DDR2: variants seen among roughly 807,000 people sequenced by gnomAD.
The protein encoded by DDR2 is discoidin domain receptor tyrosine kinase 2, also known as discoidin domain-containing receptor 2.
In DDR2, 27 loss-of-function variants were observed where a neutral mutation model predicts 94.9. That is an observed-to-expected ratio of 0.28 (90% CI 0.21 to 0.39). The LOEUF (loss-of-function observed/expected upper bound fraction) is 0.39, where lower values mean the gene tolerates loss of function less well. Among genes scored for constraint, DDR2 ranks in the 10% least tolerant of loss-of-function variants. The pLI is 1.00. For missense variants in DDR2, 783 were observed against 1,076.0 expected (o/e 0.73, Z 3.81); for synonymous variants, 382 against 377.2 (o/e 1.01, Z -0.15).
intron 2 of DDR2, among the ~76,000 whole-genome samples, chr1:162,661,354 G>T (rs754738828): frequency 6.6e-6 from 1 of 152,196 alleles, no homozygotes; most frequent in Non-Finnish European, 1.5e-5. Context: ...AAAAAGACTT[G>T]TACAAGTTGG....
At position 162,754,800 on chromosome 1, in the gene DDR2, A is replaced by T; in HGVS notation, c.362A>T (p.Asn121Ile). 1 of 1,614,082 alleles carries T rather than the reference A, an allele frequency of 6.2e-7. No individual in the cohort carries two copies. ...GAGTTTGCCCCCATGTACAAGATCA[A>T]TTACAGTCGGGATGGCACTCGCTGG... ...GIEFAPMYKI[N>I]YSRDGTRWIS... The change falls in exon 5 of 18, where the codon AAT (asparagine) becomes ATT (isoleucine). Residue 121 changes from asparagine to isoleucine, a missense_variant. Physicochemically the swap from Asn to Ile is moderately radical, Grantham distance 149 (BLOSUM62 -3). Around this residue, in one of 2 missense-constraint regions of DDR2, gnomAD observed 519 missense variants for 647.9 expected, o/e 0.80. Coordinates refer to ENST00000367921, the MANE Select transcript of DDR2 (RefSeq NM_006182.4).
chr1:162,733,681 T>C (rs1258770624), intron 3 of DDR2, among the ~76,000 whole-genome samples: 1 of 152,226 alleles, frequency 6.6e-6, no homozygotes, highest in African/African-American at 2.4e-5. Context: ...CATCTACTTA[T>C]TTATTTGCCA....
chr1:162,683,253 T>C (rs1659500425), intron 2 of DDR2, among the ~76,000 whole-genome samples: 1 of 152,152 alleles, frequency 6.6e-6, no homozygotes, highest in Admixed American at 6.5e-5. Context: ...TAATGTTTTC[T>C]CCCTAAGACA....
intron 1 of DDR2, among the ~76,000 whole-genome samples, chr1:162,633,537 C>T (rs1310907705): frequency 6.6e-6 from 1 of 152,146 alleles, no homozygotes; most frequent in Non-Finnish European, 1.5e-5. Flanking sequence ...GGAAGGGGAC[C>T]GACCTGTTCA....
chr1:162,745,518 A>T (rs1225733064), intron 3 of DDR2, among the ~76,000 whole-genome samples: 1 of 152,166 alleles, frequency 6.6e-6, no homozygotes, highest in South Asian at 2.1e-4. Context: ...GTATGATAAT[A>T]GTTTAATTTT....
chr1:162,648,977 T>C (rs1657550042), intron 1 of DDR2, among the ~76,000 whole-genome samples: 1 of 152,080 alleles, frequency 6.6e-6, no homozygotes, highest in Non-Finnish European at 1.5e-5. Flanking sequence ...GTTGCTTCTC[T>C]TTCCCATCTC....
chr1:162,715,438 A>G (rs1029456196), intron 2 of DDR2, among the ~76,000 whole-genome samples: 1 of 152,176 alleles, frequency 6.6e-6, no homozygotes, highest in Non-Finnish European at 1.5e-5. Flanking sequence ...AGAGGAGAGA[A>G]ACTTCTTGGC....
At chr1:162,760,491 T>C (rs947685427) in intron 8 of DDR2, among the ~76,000 whole-genome samples, 1 of 106,192 alleles carries the variant, frequency 9.4e-6, no homozygotes, top group African/African-American at 2.8e-5. Context: ...CAACTATATA[T>C]GTATATACAT....
chr1:162,713,260 C>T (rs1186029180), intron 2 of DDR2, among the ~76,000 whole-genome samples: 2 of 152,102 alleles, frequency 1.3e-5, no homozygotes, highest in African/African-American at 2.4e-5. Context: ...AGGACGTGTT[C>T]CCCCCACACC....
intron 1 of DDR2, among the ~76,000 whole-genome samples, chr1:162,637,787 C>T (rs1656902806): frequency 6.6e-6 from 1 of 152,088 alleles, no homozygotes. Context: ...AAAATATCTG[C>T]TGAGTATACA....
At chr1:162,771,404 G>A (rs954012749) in intron 12 of DDR2, among the ~76,000 whole-genome samples, 1 of 152,186 alleles carries the variant, frequency 6.6e-6, no homozygotes, top group African/African-American at 2.4e-5. Flanking sequence ...AGGATAAAAG[G>A]AAACTTGCAT....
rs375401773 is a variant in DDR2 at position 162,770,271 on chromosome 1, A to G, written c.1294-31A>G. 613 of 1,608,824 alleles carry G rather than the reference A, an allele frequency of 3.8e-4. No homozygotes were observed. Among genetic ancestry groups the G allele is most frequent in the Non-Finnish European group, 5.0e-4 (593 of 1,175,976 alleles). On this transcript the variant is annotated intron_variant, in intron 11 of 17. Coordinates refer to ENST00000367921, the MANE Select transcript of DDR2 (RefSeq NM_006182.4). ...GGCATTGACCATCTCTTTTGTGCCA[A>G]CATGCCTTTCTCCTTGCTCTTCTCT...
chr1:162,719,154 G>A lies in DDR2; in HGVS notation c.82+9G>A, dbSNP rs1558044285. On this transcript the variant is annotated intron_variant, in intron 3 of 17. Coordinates refer to ENST00000367921, the MANE Select transcript of DDR2 (RefSeq NM_006182.4). Reference sequence around the variant, plus strand: ...AGCTCAGGTTAATCCAGGTAACATGGCTATTACTCAGCTATATGCTAGAAG... The same window carrying A: ...AGCTCAGGTTAATCCAGGTAACATGACTATTACTCAGCTATATGCTAGAAG... 1 of 1,613,594 alleles carries A rather than the reference G, an allele frequency of 6.2e-7. No homozygotes were observed. Among genetic ancestry groups the A allele is most frequent in the Admixed American group, 1.7e-5 (1 of 59,980 alleles).
chr1:162,754,031 C>T (rs1663339450), intron 4 of DDR2, among the ~76,000 whole-genome samples: 1 of 152,136 alleles, frequency 6.6e-6, no homozygotes, highest in Non-Finnish European at 1.5e-5. Context: ...TCAAAGTAAA[C>T]TTTATAATAA....
At chr1:162,725,837 T>A (rs1661639833) in intron 3 of DDR2, among the ~76,000 whole-genome samples, 1 of 152,196 alleles carries the variant, frequency 6.6e-6, no homozygotes, top group South Asian at 2.1e-4. Context: ...ATTTGCAAAA[T>A]GAAAAATGTT....
chr1:162,765,677 A>G (rs979350804), intron 9 of DDR2, among the ~76,000 whole-genome samples: 4 of 151,074 alleles, frequency 2.6e-5, no homozygotes, highest in African/African-American at 9.8e-5. Flanking sequence ...TTCTGTCTAT[A>G]TTTTCACTGA....
chr1:162,733,505 G>A (rs945732323), intron 3 of DDR2, among the ~76,000 whole-genome samples: 6 of 152,162 alleles, frequency 3.9e-5, no homozygotes, highest in African/African-American at 1.4e-4. Flanking sequence ...GAGTCACTGA[G>A]AAACTTTGCC....
intron 3 of DDR2, among the ~76,000 whole-genome samples, chr1:162,724,405 T>C (rs928204767): frequency 4.6e-5 from 7 of 152,160 alleles, no homozygotes; most frequent in Non-Finnish European, 1.0e-4. Context: ...GAATAGGATA[T>C]ACAGTGCTCA....
chr1:162,709,938 T>C (rs1571226616), intron 2 of DDR2, among the ~76,000 whole-genome samples: 2 of 152,218 alleles, frequency 1.3e-5, no homozygotes, highest in African/African-American at 4.8e-5. Flanking sequence ...AGTTTGCATT[T>C]TCTCTCCTTC....
Sources: gnomAD v4.1 joint callset for allele counts (sites outside exome capture counted in the v4.1 genomes callset) on GRCh38, gnomAD v4.1.1 for gene constraint, gnomAD v4.1.1 regional missense constraint, MANE v1.5 for transcripts, NCBI Gene and HGNC (gene_info 2026-07-23, HGNC 2026-07-21) for gene names.